The following PCCB variants were observed in gnomAD, a reference collection of about 807,000 sequenced individuals.
PCCB encodes propionyl-CoA carboxylase subunit beta, also known as propionyl-CoA carboxylase beta chain, mitochondrial.
A neutral mutation model predicts 60.7 loss-of-function variants in PCCB; 43 were observed. That is an observed-to-expected ratio of 0.71 (90% CI 0.55 to 0.91). The LOEUF (loss-of-function observed/expected upper bound fraction) is 0.91, where lower values mean the gene tolerates loss of function less well. Among genes scored for constraint, PCCB ranks in the 40% least tolerant of loss-of-function variants. The pLI, the probability that PCCB is intolerant of heterozygous loss-of-function variation, is 0.00. For synonymous variants in PCCB, 276 were observed against 255.9 expected (o/e 1.08, Z -0.75); for missense variants, 766 against 702.8 (o/e 1.09, Z -1.02).
At position 136,259,062 on chromosome 3, in the gene PCCB, A is replaced by G. The variant is rs78787340; in HGVS notation, c.373-1417A>G. The G allele has an allele frequency of 0.013, 12,583 of 957,232 alleles. 104 individuals are homozygous for G. The highest frequency in any genetic ancestry group is 0.016 in the Non-Finnish European group (11,519 of 730,128). 59.3% of individuals were successfully genotyped at this position (957,232 alleles called of 1,614,324 possible). On this transcript the variant is annotated intron_variant, in intron 3 of 14. Coordinates refer to ENST00000251654, the MANE Select transcript of PCCB (RefSeq NM_000532.5). Reference sequence around the variant, plus strand: ...CTAACTGTCTTTTTGAGGGGGTTTTAGGAGAGGTTATGCCCACAATAAGCC... The same window carrying G: ...CTAACTGTCTTTTTGAGGGGGTTTTGGGAGAGGTTATGCCCACAATAAGCC...
At chr3:136,255,760 G>A (rs1158272601) in intron 1 of PCCB, 96 bp from the exon 2 acceptor site, 1 of 1,060,090 alleles carries the variant, frequency 9.4e-7, no homozygotes, top group South Asian at 1.3e-5. Context: ...AGATCAACGG[G>A]CAAATCTGCC....
At chr3:136,311,030 A>G (rs1222412564) in intron 9 of PCCB, among the ~76,000 whole-genome samples, 1 of 152,178 alleles carries the variant, frequency 6.6e-6, no homozygotes, top group Non-Finnish European at 1.5e-5. Context: ...GATGCCCATT[A>G]TTCCCATTAT....
intron 9 of PCCB, among the ~76,000 whole-genome samples, chr3:136,312,194 A>G (rs896105526): frequency 1.3e-5 from 2 of 152,272 alleles, no homozygotes; most frequent in South Asian, 2.1e-4. Flanking sequence ...GAAATGCATC[A>G]TTAGGCAGTT....
At chr3:136,307,601 A>G (rs1271789494) in intron 9 of PCCB, among the ~76,000 whole-genome samples, 1 of 152,196 alleles carries the variant, frequency 6.6e-6, no homozygotes, top group Admixed American at 6.5e-5. Context: ...AACAGTATAT[A>G]TCATTGTGGG....
intron 5 of PCCB, among the ~76,000 whole-genome samples, chr3:136,268,096 A>ATATGTATATATATATATATATATG (rs201311495): frequency 2.8e-5 from 3 of 106,550 alleles, no homozygotes; most frequent in African/African-American, 1.4e-4. Context: ...AGATATATAT[A>ATATGTATATATATATATATATATG]TATATATATA....
In PCCB at chr3:136,301,018, T is replaced by C; in HGVS notation, c.885-12T>C. ...CCTATGTTGACTATACCTGCCTTTT[T>C]TCTGCCTAAAGTGACCGTCTGGTTC... On this transcript the variant is annotated splice_polypyrimidine_tract_variant and intron_variant, in intron 8 of 14. Coordinates refer to ENST00000251654, the MANE Select transcript of PCCB (RefSeq NM_000532.5). 1 of 1,612,930 alleles carries C rather than the reference T, an allele frequency of 6.2e-7. No homozygotes were observed. The highest frequency in any genetic ancestry group is 8.5e-7 in the Non-Finnish European group (1 of 1,178,882).
intron 1 of PCCB, among the ~76,000 whole-genome samples, chr3:136,251,611 G>A (rs1244028891): frequency 6.6e-6 from 1 of 152,152 alleles, no homozygotes; most frequent in Non-Finnish European, 1.5e-5. Context: ...GGTTTGTGGT[G>A]CTAGGAGTGC....
At chr3:136,264,440 G>GTGTGTGTGTATATATATATATATATA in intron 5 of PCCB, among the ~76,000 whole-genome samples, 1 of 123,782 alleles carries the variant, frequency 8.1e-6, no homozygotes, top group African/African-American at 3.0e-5. Context: ...ATGTGTGTGT[G>GTGTGTGTGTATATATATATATATATA]TATATATGTA....
chr3:136,278,187 G>T (rs1942382626), intron 5 of PCCB, among the ~76,000 whole-genome samples: 1 of 152,120 alleles, frequency 6.6e-6, no homozygotes, highest in African/African-American at 2.4e-5. Context: ...CCCTAAATCA[G>T]TCCCAGCCCT....
intron 5 of PCCB, among the ~76,000 whole-genome samples, chr3:136,263,847 A>G (rs923758478): frequency 6.6e-6 from 1 of 152,088 alleles, no homozygotes; most frequent in Admixed American, 6.6e-5. Context: ...TCCTGTCTCT[A>G]TTAAAAATAC....
intron 1 of PCCB, among the ~76,000 whole-genome samples, chr3:136,254,220 GTT>G (rs895580766): frequency 6.6e-6 from 1 of 150,846 alleles, no homozygotes; most frequent in East Asian, 2.0e-4. Flanking sequence ...GCTTTTTTTT[GTT>G]TGTTTTTGTT....
At chr3:136,312,517 C>A (rs1224961125) in intron 9 of PCCB, among the ~76,000 whole-genome samples, 2 of 152,114 alleles carry the variant, frequency 1.3e-5, no homozygotes, top group Non-Finnish European at 2.9e-5. Flanking sequence ...CAAAAATTAG[C>A]TTTTAATAAA....
chr3:136,269,978 T>G (rs1942145478), intron 5 of PCCB, among the ~76,000 whole-genome samples: 2 of 150,404 alleles, frequency 1.3e-5, no homozygotes, highest in Middle Eastern at 3.4e-3. Context: ...TTAAGCATGA[T>G]GTTAACTGGT....
rs1272906925 is a variant in PCCB, at chr3:136,299,840, GTATGTATATGCATGCATATGTATGTA to G, written c.885-1185_885-1160del. 3.9e-4 allele frequency among the ~76,000 whole-genome samples: 59 copies of G among 151,798 alleles called. 1 individual carries two copies. The East Asian group carries it at 0.011, about 28-fold the overall frequency. On this transcript the variant is annotated intron_variant, in intron 8 of 14. Coordinates refer to ENST00000251654, the MANE Select transcript of PCCB (RefSeq NM_000532.5). ...CATGTGTATGTATGTATATGCATGTGTATGTATATGCATGCATATGTATGTATATGCATGCATGTGTATGTACGTAT... is the reference window on the plus strand; with the variant it reads ...CATGTGTATGTATGTATATGCATGTGTATGCATGCATGTGTATGTACGTAT...
At chr3:136,262,977 CAG>C (rs1163801262) in intron 5 of PCCB, among the ~76,000 whole-genome samples, 1 of 126,274 alleles carries the variant, frequency 7.9e-6, no homozygotes, top group Non-Finnish European at 1.6e-5. Flanking sequence ...TTTTTTGAGA[CAG>C]AGTCTGGCTC....
At chr3:136,314,506 T>G (rs942371793) in intron 9 of PCCB, among the ~76,000 whole-genome samples, 1 of 151,924 alleles carries the variant, frequency 6.6e-6, no homozygotes, top group African/African-American at 2.4e-5. Context: ...AATACAAAAA[T>G]TAACCAGGTA....
intron 6 of PCCB, among the ~76,000 whole-genome samples, chr3:136,292,120 A>C (rs571171360): frequency 1.3e-5 from 2 of 152,340 alleles, no homozygotes; most frequent in African/African-American, 2.4e-5. Flanking sequence ...TGATGGACCT[A>C]AGAAAAACTG....
At chr3:136,280,141 T>C (rs1018172511) in intron 5 of PCCB, among the ~76,000 whole-genome samples, 6 of 152,312 alleles carry the variant, frequency 3.9e-5, no homozygotes, top group African/African-American at 7.2e-5. Context: ...GTGTTCTTTA[T>C]TTTTTCTCAT....
intron 9 of PCCB, among the ~76,000 whole-genome samples, chr3:136,316,478 C>T (rs538944347): frequency 6.6e-6 from 1 of 152,012 alleles, no homozygotes; most frequent in South Asian, 2.1e-4. Flanking sequence ...CCACACCAGG[C>T]CAATTTTTTG....
Sources: gnomAD v4.1 joint callset for allele counts (sites outside exome capture counted in the v4.1 genomes callset) on GRCh38, gnomAD v4.1.1 for gene constraint, MANE v1.5 for transcripts, NCBI Gene and HGNC (gene_info 2026-07-23, HGNC 2026-07-21) for gene names.